MRPL3: variants seen among roughly 807,000 people sequenced by gnomAD.
The protein encoded by MRPL3 is large ribosomal subunit protein uL3m.
A neutral mutation model predicts 44.3 loss-of-function variants in MRPL3; 43 were observed. The ratio of observed to expected loss-of-function variants is 0.97; its 90% CI spans 0.76 to 1.25. MRPL3 has a LOEUF of 1.25. Among genes scored for constraint, MRPL3 ranks in the 50% most tolerant of loss-of-function variants. The pLI, the probability that MRPL3 is intolerant of heterozygous loss-of-function variation, is 0.00. For missense variants in MRPL3, 406 were observed against 427.6 expected (o/e 0.95, Z 0.45); for synonymous variants, 171 against 152.3 (o/e 1.12, Z -0.91).
intron 7 of MRPL3, among the ~76,000 whole-genome samples, chr3:131,470,644 C>T (rs552971002): frequency 1.9e-4 from 29 of 152,058 alleles, no homozygotes; most frequent in African/African-American, 5.3e-4. Flanking sequence ...CCCTCTGTTT[C>T]TCTGTGTGCT....
chr3:131,469,861 ATT>A, intron 7 of MRPL3, 88 bp from the exon 8 acceptor site: 1 of 792,826 alleles, frequency 1.3e-6, no homozygotes, highest in Non-Finnish European at 2.0e-6. Flanking sequence ...AAAAATATAA[ATT>A]ATTAAAATGT....
At chr3:131,465,891 CTTTT>C (rs55635822) in intron 9 of MRPL3, among the ~76,000 whole-genome samples, 2 of 133,346 alleles carry the variant, frequency 1.5e-5, no homozygotes, top group South Asian at 2.3e-4. Flanking sequence ...CTTTTTCTCT[CTTTT>C]TTTTTTTTTT....
At chr3:131,487,428 C>T (rs1934153358) in intron 6 of MRPL3, 4 of 353,776 alleles carry the variant, frequency 1.1e-5, no homozygotes, top group Admixed American at 4.8e-5. Flanking sequence ...TGCACATGTA[C>T]CCTAGAACTT....
intron 5 of MRPL3, chr3:131,488,755 C>T (rs1934185353): frequency 1.3e-5 from 2 of 151,882 alleles, no homozygotes; most frequent in Admixed American, 1.3e-4. Context: ...GGGGGAACTT[C>T]CTTTAAGTTA....
At chr3:131,485,698 CATCTT>C (rs1306711386) in intron 6 of MRPL3, among the ~76,000 whole-genome samples, 1 of 151,950 alleles carries the variant, frequency 6.6e-6, no homozygotes, top group Non-Finnish European at 1.5e-5. Flanking sequence ...AAAGAAGACT[CATCTT>C]ATTACCAATC....
At chr3:131,468,447 C>T (rs866282850) in intron 8 of MRPL3, among the ~76,000 whole-genome samples, 5 of 152,164 alleles carry the variant, frequency 3.3e-5, no homozygotes, top group Middle Eastern at 3.4e-3. Flanking sequence ...TCTGTTGGCA[C>T]CATTAACAAT....
At chr3:131,497,926 C>T in intron 4 of MRPL3, 1 of 462,906 alleles carries the variant, frequency 2.2e-6, no homozygotes, top group Non-Finnish European at 3.8e-6. Flanking sequence ...TCCCATTGTA[C>T]AGATATACAA....
intron 3 of MRPL3, 114 bp downstream of exon 3, chr3:131,500,316 C>T (rs748203434): frequency 1.3e-6 from 1 of 779,884 alleles, no homozygotes; most frequent in Middle Eastern, 3.2e-4. Context: ...CAACATCACC[C>T]CTTTCTTCAC....
chr3:131,502,787 G>C lies in MRPL3; in HGVS notation c.35C>G (p.Ala12Gly). Residue 12 changes from alanine to glycine, a missense_variant, in exon 1 of 10, where the codon GCC (alanine) becomes GGC (glycine). Physicochemically the swap from Ala to Gly is moderately conservative, Grantham distance 60 (BLOSUM62 0). Transcript: ENST00000264995. Reference protein sequence around the residue: ...PGWRLLTQVGAQVLGRLGDGL... With the variant: ...PGWRLLTQVGGQVLGRLGDGL... ...GTCCCCGAGTCGACCCAGCACCTGGGCGCCGACCTGCGTCAGCAGCCTCCA... is the reference window on the plus strand; with the variant it reads ...GTCCCCGAGTCGACCCAGCACCTGGCCGCCGACCTGCGTCAGCAGCCTCCA... 6.2e-7 allele frequency: 1 copy of C among 1,612,496 alleles called. No individual in the cohort carries two copies. Among genetic ancestry groups the C allele is most frequent in the Non-Finnish European group, 8.5e-7 (1 of 1,179,410 alleles).
intron 4 of MRPL3, among the ~76,000 whole-genome samples, chr3:131,496,061 T>C (rs1197945751): frequency 6.6e-6 from 1 of 152,298 alleles, no homozygotes; most frequent in East Asian, 1.9e-4. Flanking sequence ...GCAGAAGGGA[T>C]TACCCTAGCA....
chr3:131,483,455 T>C (rs183698384), intron 6 of MRPL3, among the ~76,000 whole-genome samples: 1 of 152,334 alleles, frequency 6.6e-6, no homozygotes, highest in East Asian at 1.9e-4. Context: ...ATTTGTCTTC[T>C]ATCATCCTTT....
Position 131,492,766 on chromosome 3 carries a change from G to C in MRPL3, c.469-2686C>G, listed in dbSNP as rs112053654. Reference sequence around the variant, plus strand: ...CCCAAATCTAAGCTTCCTGAAAGCAGAGACTTGCTTTAGTTGCTGCTATAT... The same window carrying C: ...CCCAAATCTAAGCTTCCTGAAAGCACAGACTTGCTTTAGTTGCTGCTATAT... On this transcript the variant is annotated intron_variant, in intron 4 of 9. Transcript: ENST00000264995. Among the ~76,000 whole-genome samples, 224 of 152,306 alleles carry C rather than the reference G, an allele frequency of 1.5e-3. 1 individual carries two copies. Among genetic ancestry groups the C allele is most frequent in the Middle Eastern group, 3.4e-3 (1 of 294 alleles).
At chr3:131,464,331 T>C (rs1393168634) in intron 9 of MRPL3, among the ~76,000 whole-genome samples, 1 of 152,198 alleles carries the variant, frequency 6.6e-6, no homozygotes, top group Non-Finnish European at 1.5e-5. Context: ...TCACTGTTTG[T>C]AAAATCTAAG....
At chr3:131,479,097 A>T (rs201388717) in intron 6 of MRPL3, 65 of 504,600 alleles carry the variant, frequency 1.3e-4, no homozygotes, top group Middle Eastern at 8.8e-4. Flanking sequence ...TTCTTCAGGG[A>T]AATGTTTAGA....
chr3:131,478,391 A>T (rs1933901947), intron 6 of MRPL3, among the ~76,000 whole-genome samples: 1 of 152,186 alleles, frequency 6.6e-6, no homozygotes, highest in South Asian at 2.1e-4. Flanking sequence ...CCAAGGTGGT[A>T]ATCTAATCAC....
In MRPL3 at chr3:131,502,782, C is replaced by T; in HGVS notation, c.40G>A (p.Val14Met). Residue 14 changes from valine (V) to methionine (M), a missense_variant, in exon 1 of 10, where the codon GTG (valine) becomes ATG (methionine). Coordinates refer to ENST00000264995, the MANE Select transcript of MRPL3 (RefSeq NM_007208.4). ...AGGCCGTCCCCGAGTCGACCCAGCA[C>T]CTGGGCGCCGACCTGCGTCAGCAGC... The part of the protein sequence containing the change: ...WRLLTQVGAQ[V>M]LGRLGDGLGA... The T allele has an allele frequency of 6.2e-7, 1 of 1,612,728 alleles. No homozygotes were observed. Among genetic ancestry groups the T allele is most frequent in the Middle Eastern group, 1.7e-4 (1 of 6,056 alleles).
intron 6 of MRPL3, among the ~76,000 whole-genome samples, chr3:131,484,519 A>C (rs1185100522): frequency 6.6e-6 from 1 of 152,186 alleles, no homozygotes; most frequent in Non-Finnish European, 1.5e-5. Flanking sequence ...ATTAATATCC[A>C]GAAGATAGAG....
chr3:131,500,662 AG>A, intron 2 of MRPL3, 141 bp from the exon 3 acceptor site: 1 of 656,802 alleles, frequency 1.5e-6, no homozygotes, highest in African/African-American at 1.8e-5. Context: ...AGAGTAAAGT[AG>A]GACTGTTCTT....
At chr3:131,467,517 CA>C (rs1933638461) in intron 9 of MRPL3, among the ~76,000 whole-genome samples, 1 of 152,068 alleles carries the variant, frequency 6.6e-6, no homozygotes, top group African/African-American at 2.4e-5. Context: ...GTGATTGGAT[CA>C]TGGGGGCAGA....
Sources: gnomAD v4.1 joint callset for allele counts (sites outside exome capture counted in the v4.1 genomes callset) on GRCh38, gnomAD v4.1.1 for gene constraint, MANE v1.5 for transcripts, NCBI Gene and HGNC (gene_info 2026-07-23, HGNC 2026-07-21) for gene names.